Variants in ADAMTSL2 observed in about 807,000 individuals in gnomAD.
ADAMTSL2 encodes ADAMTS like 2.
A neutral mutation model predicts 117.0 loss-of-function variants in ADAMTSL2; 55 were observed. That is an observed-to-expected ratio of 0.47 (90% CI 0.38 to 0.59). The LOEUF is 0.59. Ranked by LOEUF, ADAMTSL2 falls within the 20% of genes least tolerant of loss-of-function variation. ADAMTSL2 has a pLI of 0.00. For synonymous variants in ADAMTSL2, 572 were observed against 566.4 expected (o/e 1.01, Z -0.14); for missense variants, 1,182 against 1,354.5 (o/e 0.87, Z 2.00).
rs892972349 is a variant in ADAMTSL2, at chr9:133,567,476, C to T, written c.1874+414C>T. On this transcript the variant is annotated intron_variant, in intron 13 of 18. Transcript: ENST00000651351. Reference sequence around the variant, plus strand: ...GCCTATTTTCTTGACCTTTGGGCCTCGTCTCCTGCCTTGTGGATGCAGTCA... The same window carrying T: ...GCCTATTTTCTTGACCTTTGGGCCTTGTCTCCTGCCTTGTGGATGCAGTCA... Among the ~76,000 whole-genome samples the T allele has an allele frequency of 9.2e-5, 14 of 152,314 alleles. 1 individual carries two copies. Among genetic ancestry groups the T allele is most frequent in the Middle Eastern group, 3.4e-3 (1 of 294 alleles).
intron 11 of ADAMTSL2, 88 bp downstream of exon 11, chr9:133,556,018 G>A (rs897387851): frequency 2.0e-6 from 3 of 1,530,144 alleles, no homozygotes; most frequent in Admixed American, 1.9e-5. Flanking sequence ...CCCACTGGGG[G>A]GGTCTGGCCA....
At chr9:133,539,278 T>C (rs1048474858) in intron 4 of ADAMTSL2, among the ~76,000 whole-genome samples, 1 of 152,052 alleles carries the variant, frequency 6.6e-6, no homozygotes, top group African/African-American at 2.4e-5. Context: ...CTAAGCTGGG[T>C]CCCCTCCGAG....
chr9:133,544,188 A>G (rs1427154828), intron 7 of ADAMTSL2, among the ~76,000 whole-genome samples: 2 of 152,184 alleles, frequency 1.3e-5, no homozygotes, highest in Non-Finnish European at 2.9e-5. Flanking sequence ...AGTGTGCTCC[A>G]TGTCCCTGTG....
chr9:133,540,097 C>T (rs907478941), intron 5 of ADAMTSL2, among the ~76,000 whole-genome samples: 3 of 152,200 alleles, frequency 2.0e-5, no homozygotes, highest in Non-Finnish European at 4.4e-5. Context: ...GGACTGAGTT[C>T]CCTGCAGACC....
intron 12 of ADAMTSL2, 148 bp from the exon 13 acceptor site, chr9:133,566,788 T>C: frequency 1.9e-6 from 2 of 1,067,582 alleles, no homozygotes; most frequent in South Asian, 1.4e-5. Flanking sequence ...AGTGCTGCCC[T>C]CATGCCACAG....
intron 9 of ADAMTSL2, among the ~76,000 whole-genome samples, chr9:133,548,140 T>C (rs13298011): frequency 0.84 from 128,556 of 152,212 alleles, 55,069 homozygotes; most frequent in Non-Finnish European, 0.92. Context: ...CATTGCCTCA[T>C]GTTGCAGGTC....
At chr9:133,563,565 G>A (rs1200219224) in intron 12 of ADAMTSL2, among the ~76,000 whole-genome samples, 1 of 152,118 alleles carries the variant, frequency 6.6e-6, no homozygotes, top group Non-Finnish European at 1.5e-5. Context: ...GCTGGCAAGG[G>A]GCCTGATGGG....
rs896136839 is a variant in ADAMTSL2 at position 133,558,772 on chromosome 9, G to A, written c.1650-2426G>A. On this transcript the variant is annotated intron_variant, in intron 11 of 18. Coordinates refer to ENST00000651351, the MANE Select transcript of ADAMTSL2 (RefSeq NM_014694.4). This position sits in a 1 kb window ranked among gnomAD's most constrained non-coding sequence, Gnocchi z 4.3. ...TTCCTTCCAGATGGAGGAGAGCGAC[G>A]GTTTGGTGCTTCAGCGATTTCCTTG... Among the ~76,000 whole-genome samples, 2 of 152,208 alleles carry A rather than the reference G, an allele frequency of 1.3e-5. No homozygotes were observed. The highest frequency in any genetic ancestry group is 6.5e-5 in the Admixed American group (1 of 15,290).
upstream of ADAMTSL2, among the ~76,000 whole-genome samples, chr9:133,533,543 G>A (rs191168147): frequency 7.9e-4 from 121 of 152,322 alleles, no homozygotes; most frequent in African/African-American, 2.8e-3. Flanking sequence ...TGGCCTCACA[G>A]CTCTGGGCCC....
At chr9:133,564,723 T>TGAGA (rs900993789) in intron 12 of ADAMTSL2, among the ~76,000 whole-genome samples, 1 of 46,782 alleles carries the variant, frequency 2.1e-5, no homozygotes, top group Non-Finnish European at 4.5e-5. Flanking sequence ...AGAGAGAGGG[T>TGAGA]GAGAGAGAGA....
intron 12 of ADAMTSL2, among the ~76,000 whole-genome samples, chr9:133,563,868 A>G (rs532826424): frequency 6.9e-5 from 4 of 58,270 alleles, no homozygotes; most frequent in African/African-American, 1.5e-4. Context: ...AGAGAGGGAG[A>G]GAGAGAGAGA....
intron 9 of ADAMTSL2, among the ~76,000 whole-genome samples, chr9:133,549,836 G>A (rs1354013822): frequency 2.0e-5 from 3 of 152,298 alleles, no homozygotes; most frequent in South Asian, 2.1e-4. Flanking sequence ...GGGTGGAAAC[G>A]TTCCCCATGT....
chr9:133,559,760 C>T (rs1391527811), intron 11 of ADAMTSL2, among the ~76,000 whole-genome samples: 2 of 152,128 alleles, frequency 1.3e-5, no homozygotes, highest in Non-Finnish European at 2.9e-5. Context: ...GCTTGAAGCT[C>T]CCAGGTGAAG....
chr9:133,574,470 C>T (rs1831181963), intron 18 of ADAMTSL2, among the ~76,000 whole-genome samples: 1 of 152,128 alleles, frequency 6.6e-6, no homozygotes, highest in Admixed American at 6.5e-5. Context: ...CTGTGGAACC[C>T]TTGGGGATGC....
rs752143952 is a variant in ADAMTSL2 at position 133,544,566 on chromosome 9, C to G, written c.763+16C>G. On this transcript the variant is annotated intron_variant, in intron 8 of 18. Coordinates refer to ENST00000651351, the MANE Select transcript of ADAMTSL2 (RefSeq NM_014694.4). ...GACGTGCTAGGTGGGTACGCAGTGT[C>G]TGGCAGCTGCCTCACTGAGCTTTTG... 1.9e-6 allele frequency: 3 copies of G among 1,608,496 alleles called. No individual in the cohort carries two copies. In the African/African-American group the frequency reaches 4.0e-5, roughly 21 times the overall value.
At chr9:133,564,571 AGGGAGAGAGAAG>A (rs1830901074) in intron 12 of ADAMTSL2, among the ~76,000 whole-genome samples, 1 of 94,272 alleles carries the variant, frequency 1.1e-5, no homozygotes. Context: ...AGAGAGGGAG[AGGGAGAGAGAAG>A]GAGAGAGAGA....
intron 7 of ADAMTSL2, 136 bp from the exon 8 acceptor site, chr9:133,544,334 T>C: frequency 1.3e-6 from 1 of 797,844 alleles, no homozygotes; most frequent in South Asian, 1.4e-5. Flanking sequence ...TGAGCTGAGC[T>C]ACACAAGCGG....
At chr9:133,570,140 T>A (rs1459825125) in intron 16 of ADAMTSL2, among the ~76,000 whole-genome samples, 191 bp from the exon 17 acceptor site, 1 of 152,258 alleles carries the variant, frequency 6.6e-6, no homozygotes, top group Non-Finnish European at 1.5e-5. Context: ...ATGTGCTAAA[T>A]TGCTTTTGAT....
At chr9:133,549,783 G>A (rs1414526121) in intron 9 of ADAMTSL2, among the ~76,000 whole-genome samples, 1 of 152,188 alleles carries the variant, frequency 6.6e-6, no homozygotes, top group African/African-American at 2.4e-5. Flanking sequence ...CAGACCGTGT[G>A]TGGCCGCAGC....
Sources: allele counts gnomAD v4.1 joint callset (sites outside exome capture counted in the v4.1 genomes callset), GRCh38; gene constraint gnomAD v4.1.1; non-coding constraint Gnocchi (gnomAD v3.1); transcripts MANE v1.5; gene names NCBI Gene and HGNC (gene_info 2026-07-23, HGNC 2026-07-21).